YIF1B: variants seen among roughly 807,000 people sequenced by gnomAD.
YIF1B encodes the protein protein YIF1B.
Under a neutral mutation model 34.6 loss-of-function variants are expected in YIF1B, and 24 were observed. The observed-to-expected ratio is 0.69, with a 90% CI of 0.50 to 0.98. The LOEUF (loss-of-function observed/expected upper bound fraction) is 0.98. Ranked by LOEUF, YIF1B falls within the 50% of genes least tolerant of loss-of-function variation. The pLI is 0.00. For synonymous variants in YIF1B, 186 were observed against 184.8 expected (o/e 1.01, Z -0.05); for missense variants, 368 against 429.4 (o/e 0.86, Z 1.26).
intron 7 of YIF1B, among the ~76,000 whole-genome samples, chr19:38,305,845 C>G (rs1342579624): frequency 1.3e-5 from 2 of 152,230 alleles, no homozygotes; most frequent in African/African-American, 4.8e-5. Context: ...GCTGCCCCCC[C>G]TTATGCTGGC....
chr19:38,317,619 G>A (rs929247280), upstream of YIF1B, among the ~76,000 whole-genome samples: 5 of 151,306 alleles, frequency 3.3e-5, no homozygotes, highest in Admixed American at 1.3e-4. Flanking sequence ...TTGCTCTGTC[G>A]CCCAGGCTGG....
rs961378768 is a variant in YIF1B, at chr19:38,305,159, C to T, written c.*193G>A. On this transcript the variant is annotated 3_prime_UTR_variant, in exon 8 of 8. Coordinates refer to ENST00000339413, the MANE Select transcript of YIF1B (RefSeq NM_001039672.3). ...TTGTTTCTGTAACAGCGGCCACGCC[C>T]TGGGGCGGTGGCCTGTGCAGCTGGA... 2.9e-6 allele frequency: 4 copies of T among 1,391,018 alleles called. No individual in the cohort carries two copies. In the South Asian group the frequency reaches 4.5e-5, roughly 16 times the overall value. The allele number at this position is 1,391,018 out of a possible 1,614,324, so 86.2% of individuals were successfully genotyped here. A position where few individuals can be genotyped will look rare whatever the true frequency, so the allele number is the denominator to read the frequency against.
upstream of YIF1B, chr19:38,320,060 G>T (rs189978547): frequency 3.3e-6 from 5 of 1,517,226 alleles, no homozygotes; most frequent in Admixed American, 1.0e-4. Flanking sequence ...GCCAGGCTCC[G>T]AGCCGAGCTG....
At chr19:38,306,725 A>C (rs1317869709) in intron 7 of YIF1B, 2 of 249,542 alleles carry the variant, frequency 8.0e-6, no homozygotes, top group Non-Finnish European at 1.6e-5. Context: ...TCTGTCACCC[A>C]GGCTGGAGCG....
chr19:38,307,291 CG>C, intron 7 of YIF1B, 136 bp downstream of exon 7: 1 of 933,400 alleles, frequency 1.1e-6, no homozygotes, highest in Non-Finnish European at 1.6e-6. Flanking sequence ...CCCCCCAGGC[CG>C]GGCAGCCACT....
upstream of YIF1B, chr19:38,316,094 T>G (rs1969542418): frequency 1.0e-6 from 1 of 974,684 alleles, no homozygotes; most frequent in Non-Finnish European, 1.4e-6. Context: ...GGGCGGTGCC[T>G]TACGTAAGAG....
upstream of YIF1B, among the ~76,000 whole-genome samples, chr19:38,317,649 G>A (rs1057044334): frequency 7.9e-5 from 12 of 151,592 alleles, no homozygotes; most frequent in Non-Finnish European, 1.2e-4. Flanking sequence ...ATGCGATCTC[G>A]GCTCACTGCA....
chr19:38,305,347 C>T lies in YIF1B; in HGVS notation c.*5G>A. ...CAGCAGCAGCGGGAGGTTCAGCGGG[C>T]GCGCTCACCGCACCAGGTGGAAGGT... On this transcript the variant is annotated 3_prime_UTR_variant, in exon 8 of 8. Transcript: ENST00000339413. 11 of 1,599,274 alleles carry T rather than the reference C, an allele frequency of 6.9e-6. No individual in the cohort carries two copies. Among genetic ancestry groups the T allele is most frequent in the African/African-American group, 1.3e-5 (1 of 74,778 alleles).
intron 5 of YIF1B, 56 bp downstream of exon 5, chr19:38,308,736 C>A: frequency 6.2e-7 from 1 of 1,610,268 alleles, no homozygotes; most frequent in Non-Finnish European, 8.5e-7. Flanking sequence ...ACCTTCCTGA[C>A]CAACCATGGG....
At chr19:38,306,848 A>AT in intron 7 of YIF1B, 1 of 391,532 alleles carries the variant, frequency 2.6e-6, no homozygotes, top group South Asian at 2.0e-5. Flanking sequence ...CACCCAGCTA[A>AT]TTTTTTGTAT....
chr19:38,309,887 C>T (rs77029511), intron 1 of YIF1B: 62,016 of 1,360,544 alleles, frequency 0.046, 1,630 homozygotes, highest in East Asian at 0.09. Flanking sequence ...CATCTACCCA[C>T]CCATCCATCC....
chr19:38,304,188 C>G lies in YIF1B; in HGVS notation c.*1164G>C. 1 of 1,575,560 alleles carries G rather than the reference C, an allele frequency of 6.3e-7. No homozygotes were observed. The highest frequency in any genetic ancestry group is 1.1e-5 in the South Asian group (1 of 88,766). On this transcript the variant is annotated 3_prime_UTR_variant, in exon 8 of 8. Transcript: ENST00000339413. ...CATTCCTCCAACGGGCAGGTCTCAG[C>G]GCTCCTCCCCCTGCTCCGCTCCTCT... is the stretch of plus-strand genomic sequence containing the variant.
upstream of YIF1B, among the ~76,000 whole-genome samples, chr19:38,318,567 G>A (rs535917223): frequency 4.3e-4 from 65 of 152,282 alleles, no homozygotes; most frequent in Admixed American, 1.7e-3. Flanking sequence ...ATATTGGGAC[G>A]GGGTTGAGAA....
intron 1 of YIF1B, among the ~76,000 whole-genome samples, chr19:38,312,914 C>G (rs1240715059): frequency 6.6e-6 from 1 of 152,100 alleles, no homozygotes; most frequent in Admixed American, 6.6e-5. Context: ...TGGCCCCAGC[C>G]TCTCTGCAAG....
chr19:38,306,056 G>C (rs1969012359), intron 7 of YIF1B, among the ~76,000 whole-genome samples: 1 of 151,918 alleles, frequency 6.6e-6, no homozygotes, highest in Non-Finnish European at 1.5e-5. Flanking sequence ...ACAAAAATTA[G>C]CTGGGCGTGG....
intron 5 of YIF1B, among the ~76,000 whole-genome samples, chr19:38,308,422 G>A (rs550217487): frequency 4.3e-4 from 65 of 152,168 alleles, no homozygotes; most frequent in African/African-American, 1.4e-3. Context: ...ATAGCAGGGC[G>A]GGGCAGGGTG....
chr19:38,306,617 T>A (rs1600379097), intron 7 of YIF1B: 1 of 236,720 alleles, frequency 4.2e-6, no homozygotes, highest in East Asian at 1.5e-4. Flanking sequence ...CAGTGAATCC[T>A]CCCAGCACCT....
chr19:38,315,736 G>A (rs751907050), intron 1 of YIF1B, 124 bp downstream of exon 1: 3 of 1,609,670 alleles, frequency 1.9e-6, no homozygotes, highest in Non-Finnish European at 1.7e-6. Flanking sequence ...GCATCCCAGC[G>A]CTGTGCACAC....
chr19:38,308,673 C>T, intron 5 of YIF1B, 119 bp downstream of exon 5: 1 of 1,303,284 alleles, frequency 7.7e-7, no homozygotes. Flanking sequence ...CTTGGGCCAA[C>T]TGGGAGCAAA....
Sources: gnomAD v4.1 joint callset for allele counts (sites outside exome capture counted in the v4.1 genomes callset) on GRCh38, gnomAD v4.1.1 for gene constraint, MANE v1.5 for transcripts, NCBI Gene and HGNC (gene_info 2026-07-23, HGNC 2026-07-21) for gene names.